PPP1R9A: variants seen among roughly 807,000 people sequenced by gnomAD.
The protein encoded by PPP1R9A is protein phosphatase 1 regulatory subunit 9A.
A neutral mutation model predicts 141.9 loss-of-function variants in PPP1R9A; 59 were observed. That is an observed-to-expected ratio of 0.42 (90% CI 0.34 to 0.52). PPP1R9A has a LOEUF of 0.52. PPP1R9A is among the 20% of genes least tolerant of loss of function. The pLI, the probability that PPP1R9A is intolerant of heterozygous loss-of-function variation, is 0.10. For synonymous variants in PPP1R9A, 500 were observed against 569.7 expected (o/e 0.88, Z 1.74); for missense variants, 1,444 against 1,611.9 (o/e 0.90, Z 1.78).
At chr7:95,164,418 T>A (rs1026959115) in intron 5 of PPP1R9A, among the ~76,000 whole-genome samples, 1 of 152,208 alleles carries the variant, frequency 6.6e-6, no homozygotes, top group African/African-American at 2.4e-5. Context: ...TTTTTTTCTC[T>A]TATAATTGGG....
intron 2 of PPP1R9A, among the ~76,000 whole-genome samples, chr7:95,090,035 T>G (rs1266191330): frequency 6.6e-6 from 1 of 151,952 alleles, no homozygotes; most frequent in African/African-American, 2.4e-5. Context: ...TAACATAGTC[T>G]GAGAATTAAA....
At chr7:95,011,395 GC>G (rs1804397535) in intron 2 of PPP1R9A, among the ~76,000 whole-genome samples, 1 of 152,022 alleles carries the variant, frequency 6.6e-6, no homozygotes, top group Non-Finnish European at 1.5e-5. Flanking sequence ...AAATAATGAT[GC>G]TATTTACTTT....
At position 95,292,391 on chromosome 7, in the gene PPP1R9A, T is replaced by A. The variant is rs1025418589; in HGVS notation, c.*2088T>A. On this transcript the variant is annotated 3_prime_UTR_variant, in exon 20 of 20. Coordinates refer to ENST00000433360, the MANE Select transcript of PPP1R9A (RefSeq NM_001166160.2). ...ATCTTTGGGAAAAAAGTGACCTGGA[T>A]CACACTGGAAGTTTCACTGTATTCA... The A allele has an allele frequency of 2.0e-5, 3 of 152,630 alleles. No homozygotes were observed. Among genetic ancestry groups the A allele is most frequent in the Admixed American group, 2.0e-4 (3 of 15,280 alleles). The allele number at this position is 152,630 out of a possible 1,614,324, so 9.5% of individuals were successfully genotyped here. A position where few individuals can be genotyped will look rare whatever the true frequency, so the allele number is the denominator to read the frequency against.
At chr7:95,019,005 A>G (rs1207234988) in intron 2 of PPP1R9A, among the ~76,000 whole-genome samples, 1 of 152,250 alleles carries the variant, frequency 6.6e-6, no homozygotes, top group Non-Finnish European at 1.5e-5. Context: ...CTGGATATCC[A>G]TCTGGAAAAC....
At chr7:95,114,288 A>G (rs549996084) in intron 3 of PPP1R9A, among the ~76,000 whole-genome samples, 2 of 152,324 alleles carry the variant, frequency 1.3e-5, no homozygotes, top group African/African-American at 4.8e-5. Context: ...TTAGTGTAAT[A>G]TAATTGCATT....
intron 2 of PPP1R9A, among the ~76,000 whole-genome samples, chr7:95,099,362 T>A (rs1818454684): frequency 6.6e-6 from 1 of 152,234 alleles, no homozygotes; most frequent in Non-Finnish European, 1.5e-5. Context: ...TATTTCATGC[T>A]GGCCACCAGT....
At chr7:95,165,743 T>C (rs1831138976) in intron 5 of PPP1R9A, among the ~76,000 whole-genome samples, 1 of 152,128 alleles carries the variant, frequency 6.6e-6, no homozygotes. Context: ...GGAAGGACTA[T>C]GAGGAGAGTA....
intron 16 of PPP1R9A, among the ~76,000 whole-genome samples, chr7:95,276,390 G>A (rs1803190307): frequency 6.6e-6 from 1 of 152,202 alleles, no homozygotes; most frequent in Admixed American, 6.5e-5. Context: ...ACCACAGCTT[G>A]TCAAGGGCAG....
intron 4 of PPP1R9A, among the ~76,000 whole-genome samples, chr7:95,131,806 TC>T (rs1824689296): frequency 6.6e-6 from 1 of 152,202 alleles, no homozygotes; most frequent in Non-Finnish European, 1.5e-5. Context: ...TGATATTGAT[TC>T]TTCTAATCCA....
At chr7:95,016,987 C>A (rs1805199452) in intron 2 of PPP1R9A, among the ~76,000 whole-genome samples, 1 of 152,000 alleles carries the variant, frequency 6.6e-6, no homozygotes, top group Non-Finnish European at 1.5e-5. Flanking sequence ...TGACTGGTGT[C>A]CTTATTAGAA....
At chr7:95,206,537 A>C (rs1790832558) in intron 7 of PPP1R9A, among the ~76,000 whole-genome samples, 1 of 152,206 alleles carries the variant, frequency 6.6e-6, no homozygotes, top group Non-Finnish European at 1.5e-5. Context: ...AACCACCACC[A>C]TAATCAAGAT....
At chr7:94,947,092 A>G (rs574833365) in intron 2 of PPP1R9A, among the ~76,000 whole-genome samples, 5 of 152,206 alleles carry the variant, frequency 3.3e-5, no homozygotes, top group South Asian at 4.1e-4. Flanking sequence ...GTACTTGAAT[A>G]TGGTTGTTAC....
chr7:95,174,290 C>A (rs1275813111), intron 5 of PPP1R9A, among the ~76,000 whole-genome samples: 1 of 152,070 alleles, frequency 6.6e-6, no homozygotes, highest in Non-Finnish European at 1.5e-5. Context: ...TGTTTGAATA[C>A]ATTTGTATAA....
At position 95,093,620 on chromosome 7, in the gene PPP1R9A, G is replaced by A. The variant is rs371717461; in HGVS notation, c.1396-17639G>A. 5.3e-5 allele frequency among the ~76,000 whole-genome samples: 8 copies of A among 152,160 alleles called. 1 individual carries two copies. In the East Asian group the frequency reaches 1.5e-3, roughly 29 times the overall value. On this transcript the variant is annotated intron_variant, in intron 2 of 19. Coordinates refer to ENST00000433360, the MANE Select transcript of PPP1R9A (RefSeq NM_001166160.2). ...GAAACATTATAAAATTTTTTGCCAG[G>A]AAAAACCTACCCATCAAAAGGAGAG...
intron 3 of PPP1R9A, among the ~76,000 whole-genome samples, chr7:95,120,059 C>T (rs919085122): frequency 2.7e-5 from 4 of 147,908 alleles, no homozygotes; most frequent in Admixed American, 7.0e-5. Context: ...TGGGTTCAAA[C>T]GATTCTCCTG....
rs374253160 is a variant in PPP1R9A, at chr7:94,911,059, A to G, written c.946A>G (p.Ile316Val). The change falls in exon 2 of 20, where the codon ATT becomes GTT. Residue 316 changes from isoleucine (I) to valine (V), a missense_variant. Coordinates refer to ENST00000433360, the MANE Select transcript of PPP1R9A (RefSeq NM_001166160.2). ...STSNQQTPDSIDKDGPEEPCA... is the reference protein window; with the variant it reads ...STSNQQTPDSVDKDGPEEPCA... ...ATCTAATCAACAGACTCCCGACAGC[A>G]TTGACAAAGATGGTCCTGAAGAACC... 1.9e-6 allele frequency: 3 copies of G among 1,614,086 alleles called. No individual in the cohort carries two copies. Among genetic ancestry groups the G allele is most frequent in the Non-Finnish European group, 1.7e-6 (2 of 1,180,032 alleles).
At chr7:95,070,717 CTT>C (rs1397004455) in intron 2 of PPP1R9A, among the ~76,000 whole-genome samples, 2 of 150,614 alleles carry the variant, frequency 1.3e-5, no homozygotes, top group Admixed American at 1.3e-4. Context: ...AGAAGTGAGA[CTT>C]TTTGTGATTA....
At chr7:95,063,980 G>C (rs1485899740) in intron 2 of PPP1R9A, among the ~76,000 whole-genome samples, 1 of 152,010 alleles carries the variant, frequency 6.6e-6, no homozygotes, top group African/African-American at 2.4e-5. Context: ...TATAAAAATG[G>C]GGACTTTTGA....
In PPP1R9A at chr7:95,137,061, T is replaced by C. The variant is rs1825783164; in HGVS notation, c.1649+16229T>C. Among the ~76,000 whole-genome samples, 3 of 152,088 alleles carry C rather than the reference T, an allele frequency of 2.0e-5. No homozygotes were observed. In the South Asian group the frequency reaches 6.2e-4, roughly 32 times the overall value. ...GAAAGGACTTATGGGCAAAGTTTCA[T>C]AAAAGATGCAAGTCTTTTTTTTTAA... On this transcript the variant is annotated intron_variant, in intron 4 of 19. Coordinates refer to ENST00000433360, the MANE Select transcript of PPP1R9A (RefSeq NM_001166160.2).
Sources: allele counts gnomAD v4.1 joint callset (sites outside exome capture counted in the v4.1 genomes callset), GRCh38; gene constraint gnomAD v4.1.1; transcripts MANE v1.5; gene names NCBI Gene and HGNC (gene_info 2026-07-23, HGNC 2026-07-21).